CUX1: variants seen among roughly 807,000 people sequenced by gnomAD.
CUX1 encodes protein CASP.
A neutral mutation model predicts 158.8 loss-of-function variants in CUX1; 31 were observed. The observed-to-expected ratio is 0.20, with a 90% confidence interval of 0.15 to 0.26. The LOEUF (loss-of-function observed/expected upper bound fraction) is 0.26, where lower values mean the gene tolerates loss of function less well. Ranked by LOEUF, CUX1 falls within the 10% of genes least tolerant of loss-of-function variation. The probability of loss-of-function intolerance (pLI) is 1.00; values close to 1 mark genes in which losing one functional copy is unlikely to be tolerated. For missense variants in CUX1, 1,589 were observed against 2,014.6 expected (o/e 0.79, Z 4.04); for synonymous variants, 879 against 862.1 (o/e 1.02, Z -0.34).
intron 19 of CUX1, chr7:102,280,787 T>C (rs1554549033): frequency 1.1e-5 from 17 of 1,612,482 alleles, no homozygotes; most frequent in Non-Finnish European, 1.4e-5. Context: ...CTTTCCTGAC[T>C]GTCCCTCCCT....
At chr7:101,989,384 G>C (rs1008452197) in intron 2 of CUX1, among the ~76,000 whole-genome samples, 3 of 152,234 alleles carry the variant, frequency 2.0e-5, no homozygotes, top group Non-Finnish European at 4.4e-5. Context: ...CTGGCCAGCC[G>C]TGATTTCATC....
intron 6 of CUX1, among the ~76,000 whole-genome samples, chr7:102,106,323 T>A (rs1441025833): frequency 3.9e-5 from 6 of 151,984 alleles, no homozygotes; most frequent in African/African-American, 1.5e-4. Context: ...CTCTTGACCT[T>A]GTGATCTGCC....
chr7:102,073,309 G>C (rs1826363916), intron 4 of CUX1, among the ~76,000 whole-genome samples: 1 of 151,132 alleles, frequency 6.6e-6, no homozygotes, highest in South Asian at 2.1e-4. Flanking sequence ...ACATAGCTGT[G>C]ATTACAGGCA....
intron 8 of CUX1, chr7:102,115,514 T>A (rs921457823): frequency 3.4e-5 from 14 of 410,596 alleles, no homozygotes; most frequent in Admixed American, 4.5e-5. Context: ...CCATGAAAAT[T>A]TGGGAGTTAG....
chr7:102,203,969 C>T (rs113755439), intron 18 of CUX1, among the ~76,000 whole-genome samples: 2 of 152,182 alleles, frequency 1.3e-5, no homozygotes, highest in African/African-American at 2.4e-5. Flanking sequence ...CCAGTCCCAC[C>T]GGCACCCACT....
At chr7:101,839,913 C>T (rs1279191348) in intron 1 of CUX1, among the ~76,000 whole-genome samples, 3 of 152,172 alleles carry the variant, frequency 2.0e-5, no homozygotes, top group Admixed American at 6.5e-5. Flanking sequence ...AGGCATGCGC[C>T]ACCACACCTG....
chr7:102,282,923 G>A (rs1393019837), intron 22 of CUX1: 12 of 393,140 alleles, frequency 3.1e-5, no homozygotes, highest in African/African-American at 1.6e-4. Context: ...CCCTACTCCC[G>A]GTATCCACTA....
At chr7:102,050,388 A>G (rs1823347105) in intron 3 of CUX1, among the ~76,000 whole-genome samples, 1 of 152,074 alleles carries the variant, frequency 6.6e-6, no homozygotes, top group South Asian at 2.1e-4. Flanking sequence ...AGTCCCCAGG[A>G]TTTAACCTTC....
At chr7:101,879,887 A>G (rs1799541667) in intron 1 of CUX1, among the ~76,000 whole-genome samples, 1 of 152,224 alleles carries the variant, frequency 6.6e-6, no homozygotes. Flanking sequence ...AGGGGACCGC[A>G]GAGTCACACT....
chr7:102,277,893 C>A (rs1186262170), intron 17 of CUX1: 4 of 1,111,400 alleles, frequency 3.6e-6, no homozygotes, highest in East Asian at 5.5e-5. Flanking sequence ...CGGAGCAGCA[C>A]CTGTGCCAGC....
intron 8 of CUX1, among the ~76,000 whole-genome samples, chr7:102,153,016 G>T (rs1218242310): frequency 2.0e-5 from 3 of 152,244 alleles, no homozygotes; most frequent in African/African-American, 7.2e-5. Context: ...TGGAAAACTT[G>T]AAATTCACTT....
chr7:102,206,660 G>A (rs1554521343), intron 20 of CUX1, among the ~76,000 whole-genome samples: 2 of 152,184 alleles, frequency 1.3e-5, no homozygotes, highest in Non-Finnish European at 2.9e-5. Context: ...ACTTTGGGAG[G>A]CCGAGGTGGG....
chr7:102,138,826 T>A (rs1412369060), intron 8 of CUX1, among the ~76,000 whole-genome samples: 1 of 152,192 alleles, frequency 6.6e-6, no homozygotes, highest in African/African-American at 2.4e-5. Context: ...ATGGTAAATA[T>A]TTTTTACCAA....
Position 102,257,293 on chromosome 7 carries a change from T to A in CUX1, c.*8251T>A. The A allele has an allele frequency of 1.0e-6, 1 of 983,192 alleles. No individual in the cohort carries two copies. The highest frequency in any genetic ancestry group is 1.2e-6 in the Non-Finnish European group (1 of 829,512). 60.9% of individuals were successfully genotyped at this position (983,192 alleles called of 1,614,324 possible). On this transcript the variant is annotated 3_prime_UTR_variant, in exon 24 of 24. Transcript: ENST00000292535. ...CCCTCCACCGAAACAATGGTCCCCA[T>A]CTCCCCAGAAGCCTTTTTTTTTTTC...
chr7:101,853,584 GGTGTGTGTGTGTGT>G (rs59324904), intron 1 of CUX1, among the ~76,000 whole-genome samples: 4 of 140,868 alleles, frequency 2.8e-5, no homozygotes, highest in South Asian at 2.3e-4. Context: ...CAATAGAAAG[GGTGTGTGTGTGTGT>G]GTGTGTGTGT....
At chr7:102,171,784 G>A (rs535710977) in intron 10 of CUX1, among the ~76,000 whole-genome samples, 28 of 152,128 alleles carry the variant, frequency 1.8e-4, no homozygotes, top group Non-Finnish European at 3.5e-4. Context: ...TTCATCACTA[G>A]TTCACTTACA....
chr7:101,908,348 A>G (rs922465711), intron 1 of CUX1, among the ~76,000 whole-genome samples: 1 of 151,696 alleles, frequency 6.6e-6, no homozygotes, highest in Non-Finnish European at 1.5e-5. Context: ...GTTTCGCCAT[A>G]TTGGCCAGGC....
At chr7:101,841,050 C>A (rs950325804) in intron 1 of CUX1, among the ~76,000 whole-genome samples, 1 of 151,950 alleles carries the variant, frequency 6.6e-6, no homozygotes, top group Non-Finnish European at 1.5e-5. Context: ...CCCGCCACCA[C>A]GCCTGGCTAA....
At chr7:102,225,509 A>G (rs1337701372) in intron 20 of CUX1, among the ~76,000 whole-genome samples, 1 of 152,176 alleles carries the variant, frequency 6.6e-6, no homozygotes, top group African/African-American at 2.4e-5. Context: ...ATTTTGGGCT[A>G]TCTACTATGG....
Sources: gnomAD v4.1 joint callset for allele counts (sites outside exome capture counted in the v4.1 genomes callset) on GRCh38, gnomAD v4.1.1 for gene constraint, MANE v1.5 for transcripts, NCBI Gene and HGNC (gene_info 2026-07-23, HGNC 2026-07-21) for gene names.